Variants in CACNA1E observed in about 807,000 individuals in gnomAD.
The protein encoded by CACNA1E is voltage-dependent R-type calcium channel subunit alpha-1E.
CACNA1E carries 40 observed loss-of-function variants against 259.2 expected under a neutral mutation model. The observed-to-expected ratio is 0.15, with a 90% CI of 0.12 to 0.20. The LOEUF is 0.20. CACNA1E is among the 10% of genes least tolerant of loss of function. The probability of loss-of-function intolerance (pLI) is 1.00; values close to 1 mark genes in which losing one functional copy is unlikely to be tolerated. For synonymous variants in CACNA1E, 1,104 were observed against 1,138.5 expected, an observed-to-expected ratio of 0.97 and a Z score of 0.61; for missense variants, 1,874 against 3,040.1, an observed-to-expected ratio of 0.62 and a Z score of 9.02.
chr1:181,479,031 G>T (rs1353625129), upstream of CACNA1E, among the ~76,000 whole-genome samples: 1 of 152,226 alleles, frequency 6.6e-6, no homozygotes, highest in Non-Finnish European at 1.5e-5. Context: ...GCTTTATAAA[G>T]TAGGAAAGTT....
chr1:181,601,237 G>A (rs1459690877), intron 6 of CACNA1E, among the ~76,000 whole-genome samples: 1 of 152,116 alleles, frequency 6.6e-6, no homozygotes, highest in African/African-American at 2.4e-5. Flanking sequence ...TTCTTCTCCT[G>A]TGAAAATTGT....
intron 32 of CACNA1E, among the ~76,000 whole-genome samples, chr1:181,761,160 A>T (rs767604134): frequency 1.3e-5 from 2 of 152,248 alleles, no homozygotes; most frequent in Non-Finnish European, 2.9e-5. Context: ...TTTCTCATAC[A>T]TAAAATGAGG....
intron 1 of CACNA1E, among the ~76,000 whole-genome samples, chr1:181,371,894 T>C (rs1283478109): frequency 3.3e-5 from 5 of 152,244 alleles, no homozygotes; most frequent in Non-Finnish European, 7.3e-5. Context: ...CAGATGGTTG[T>C]AGGCATGTGA....
intron 1 of CACNA1E, among the ~76,000 whole-genome samples, chr1:181,408,178 A>G (rs1657601070): frequency 6.6e-6 from 1 of 152,152 alleles, no homozygotes; most frequent in Non-Finnish European, 1.5e-5. Context: ...CATGAGTTTC[A>G]TTGACTTGCT....
At chr1:181,412,890 C>T (rs1657960986) in intron 1 of CACNA1E, among the ~76,000 whole-genome samples, 2 of 152,214 alleles carry the variant, frequency 1.3e-5, no homozygotes, top group Non-Finnish European at 2.9e-5. Context: ...ATTCTGGACA[C>T]CTGGGGGCCC....
At position 181,556,092 on chromosome 1, in the gene CACNA1E, C is replaced by T. The variant is rs1016710082; in HGVS notation, c.513-21674C>T. Among the ~76,000 whole-genome samples, 8 of 152,310 alleles carry T rather than the reference C, an allele frequency of 5.3e-5. No individual in the cohort carries two copies. In the East Asian group the frequency reaches 9.7e-4, roughly 18 times the overall value. ...GTGCCAGTGGTGGTTACCATGTGTC[C>T]TCCTTCACTGGAGGATACAGCCAAA... On this transcript the variant is annotated intron_variant, in intron 3 of 47. Coordinates refer to ENST00000367573, the MANE Select transcript of CACNA1E (RefSeq NM_001205293.3).
intron 43 of CACNA1E, among the ~76,000 whole-genome samples, chr1:181,789,039 T>G (rs1661078116): frequency 1.3e-5 from 2 of 152,310 alleles, no homozygotes; most frequent in South Asian, 4.1e-4. Context: ...GGCTAATTTT[T>G]TTTGTAGAGA....
At chr1:181,337,035 T>C (rs1403142324) in intron 1 of CACNA1E, among the ~76,000 whole-genome samples, 1 of 109,050 alleles carries the variant, frequency 9.2e-6, no homozygotes, top group Non-Finnish European at 2.1e-5. Context: ...TTTTATATAT[T>C]TAAGGTGTTA....
At chr1:181,765,088 C>T (rs1658907146) in intron 34 of CACNA1E, among the ~76,000 whole-genome samples, 1 of 152,134 alleles carries the variant, frequency 6.6e-6, no homozygotes, top group African/African-American at 2.4e-5. Context: ...TTAACAAAGA[C>T]TACCTCTGCA....
intron 34 of CACNA1E, among the ~76,000 whole-genome samples, chr1:181,763,798 G>T (rs986593773): frequency 1.3e-5 from 2 of 152,184 alleles, no homozygotes; most frequent in African/African-American, 4.8e-5. Context: ...GTCTGCTGAG[G>T]CAGGGGACAC....
chr1:181,755,198 A>C, intron 27 of CACNA1E, 39 bp from the exon 28 acceptor site: 1 of 1,586,016 alleles, frequency 6.3e-7, no homozygotes, highest in Non-Finnish European at 8.6e-7. Flanking sequence ...GCAGACCATC[A>C]CAGGGTTCAC....
chr1:181,388,865 T>C (rs1656049165), intron 1 of CACNA1E, among the ~76,000 whole-genome samples: 1 of 151,160 alleles, frequency 6.6e-6, no homozygotes, highest in African/African-American at 2.4e-5. Context: ...CACTCCAGCC[T>C]GGGCAACAAG....
Position 181,785,413 on chromosome 1 carries a change from G to A in CACNA1E, c.5674G>A (p.Glu1892Lys). The change falls in exon 42 of 48, where the codon GAA becomes AAA. Residue 1892 changes from glutamate to lysine, a missense_variant. Around this residue, in one of 14 missense-constraint regions of CACNA1E, gnomAD observed 542 missense variants for 587.2 expected, o/e 0.92. Transcript: ENST00000367573. ...GAAGAAGCAGAGGCAGCAGCTGGAG[G>A]AACAGGTGAAAGTCAATGCCAGCAT... Reference protein sequence around the residue: ...KVKKQRQQLEEQKNAPMFQRM... With the variant: ...KVKKQRQQLEKQKNAPMFQRM... 1 of 1,604,522 alleles carries A rather than the reference G, an allele frequency of 6.2e-7. No individual in the cohort carries two copies.
intron 1 of CACNA1E, among the ~76,000 whole-genome samples, chr1:181,351,044 T>C (rs771230733): frequency 3.7e-4 from 56 of 152,198 alleles, no homozygotes; most frequent in Admixed American, 6.5e-4. Context: ...GGGACTCTTT[T>C]GGAGACTGGG....
chr1:181,769,992 C>G (rs190660871), intron 35 of CACNA1E, among the ~76,000 whole-genome samples: 1 of 152,184 alleles, frequency 6.6e-6, no homozygotes, highest in African/African-American at 2.4e-5. Flanking sequence ...TGCTGCCTCA[C>G]TTGCCACCTC....
chr1:181,444,765 G>A (rs1317659200), intron 2 of CACNA1E, among the ~76,000 whole-genome samples: 7 of 152,150 alleles, frequency 4.6e-5, no homozygotes, highest in Non-Finnish European at 1.5e-5. Flanking sequence ...CACCAGCTGG[G>A]GAGATGGGAG....
rs559710014 is a variant in CACNA1E at position 181,807,612 on chromosome 1, G to A, written c.*8778G>A. 6.6e-6 allele frequency: 1 copy of A among 151,720 alleles called. No homozygotes were observed. The highest frequency in any genetic ancestry group is 1.5e-5 in the Non-Finnish European group (1 of 67,966). 9.4% of individuals were successfully genotyped at this position (151,720 alleles called of 1,614,324 possible). ...TGTTAATTATTTTAATCTGAGCAACGCTTTTATCAATTAGATAGAAACCAG... is the reference window on the plus strand; with the variant it reads ...TGTTAATTATTTTAATCTGAGCAACACTTTTATCAATTAGATAGAAACCAG... On this transcript the variant is annotated 3_prime_UTR_variant, in exon 48 of 48. Transcript: ENST00000367573.
chr1:181,729,610 C>T (rs1655277974), intron 18 of CACNA1E, among the ~76,000 whole-genome samples: 1 of 152,218 alleles, frequency 6.6e-6, no homozygotes, highest in Non-Finnish European at 1.5e-5. Flanking sequence ...GCCACCTGCC[C>T]TTCCTATCCC....
intron 3 of CACNA1E, among the ~76,000 whole-genome samples, chr1:181,525,451 T>A (rs1384025416): frequency 1.3e-5 from 2 of 152,244 alleles, no homozygotes; most frequent in African/African-American, 2.4e-5. Flanking sequence ...ATATTTTTTT[T>A]ATTTTTGTTG....
Sources: allele counts gnomAD v4.1 joint callset (sites outside exome capture counted in the v4.1 genomes callset), GRCh38; gene constraint gnomAD v4.1.1; regional missense constraint gnomAD v4.1.1; transcripts MANE v1.5; gene names NCBI Gene and HGNC (gene_info 2026-07-23, HGNC 2026-07-21).